INPP4A: variants seen among roughly 807,000 people sequenced by gnomAD.
INPP4A encodes the protein inositol polyphosphate-4-phosphatase, type I, 107kD.
A neutral mutation model predicts 119.8 loss-of-function variants in INPP4A; 33 were observed. That is an observed-to-expected ratio of 0.28 (90% CI 0.21 to 0.37). The LOEUF (loss-of-function observed/expected upper bound fraction) is 0.37, where lower values mean the gene tolerates loss of function less well. Among genes scored for constraint, INPP4A ranks in the 10% least tolerant of loss-of-function variants. INPP4A has a pLI of 1.00. For missense variants in INPP4A, 956 were observed against 1,289.9 expected (o/e 0.74, Z 3.97); for synonymous variants, 496 against 500.7 (o/e 0.99, Z 0.12).
intron 1 of INPP4A, among the ~76,000 whole-genome samples, chr2:98,477,432 G>A (rs911901471): frequency 5.3e-5 from 8 of 152,218 alleles, no homozygotes; most frequent in African/African-American, 1.4e-4. Context: ...TTCCTGACCC[G>A]TTTCCAGATT....
rs1340900522 is a variant in INPP4A, at chr2:98,591,760, C to CA, written c.*4153dup. The CA allele has an allele frequency of 6.6e-6, 1 of 152,280 alleles. No homozygotes were observed. The highest frequency in any genetic ancestry group is 1.5e-5 in the Non-Finnish European group (1 of 68,100). The allele number at this position is 152,280 out of a possible 1,614,324, so 9.4% of individuals were successfully genotyped here. On this transcript the variant is annotated 3_prime_UTR_variant, in exon 25 of 25. Transcript: ENST00000409851. ...TCCCGATTTGTGATTTTTCCAAGAACAGAAATGATTAGCCATGTGGGGAGG... is the reference window on the plus strand; with the variant it reads ...TCCCGATTTGTGATTTTTCCAAGAACAAGAAATGATTAGCCATGTGGGGAGG...
At chr2:98,557,414 A>G (rs887641510) in intron 16 of INPP4A, among the ~76,000 whole-genome samples, 2 of 152,216 alleles carry the variant, frequency 1.3e-5, no homozygotes, top group Non-Finnish European at 2.9e-5. Context: ...TTCAGTCCTC[A>G]GTGTAAGTAG....
chr2:98,572,880 C>T lies in INPP4A; in HGVS notation c.2584C>T (p.His862Tyr). Residue 862 changes from histidine to tyrosine, a missense_variant, in exon 23 of 25, where the codon CAT becomes TAT. Around this residue, in one of 2 missense-constraint regions of INPP4A, gnomAD observed 304 missense variants for 492.1 expected, o/e 0.62. Coordinates refer to ENST00000409851, the MANE Select transcript of INPP4A (RefSeq NM_001134225.2). Reference protein sequence around the residue: ...ELLRFLGQNVHARKNKNVDIL... With the variant: ...ELLRFLGQNVYARKNKNVDIL... ...GCTGCGGTTTCTGGGTCAGAACGTG[C>T]ATGCCCGGAAGAATAAGAACGTCGA... 3.2e-6 allele frequency: 5 copies of T among 1,580,834 alleles called. No individual in the cohort carries two copies. Among genetic ancestry groups the T allele is most frequent in the South Asian group, 1.2e-5 (1 of 85,664 alleles).
chr2:98,586,522 G>A (rs953557537), intron 24 of INPP4A, among the ~76,000 whole-genome samples: 3 of 152,146 alleles, frequency 2.0e-5, no homozygotes, highest in Non-Finnish European at 4.4e-5. Flanking sequence ...CTGTGCTGTG[G>A]GAAGTCATTT....
At chr2:98,572,100 T>G (rs1437509864) in intron 22 of INPP4A, 1 of 152,394 alleles carries the variant, frequency 6.6e-6, no homozygotes, top group African/African-American at 2.4e-5. Flanking sequence ...TGTGGCTGTT[T>G]TCCTTAGCCA....
intron 7 of INPP4A, 36 bp from the exon 8 acceptor site, chr2:98,537,827 G>A (rs1317483654): frequency 6.9e-7 from 1 of 1,459,702 alleles, no homozygotes; most frequent in South Asian, 1.2e-5. Context: ...AAGCACAGTT[G>A]CAGCACCACT....
chr2:98,470,654 C>T (rs1423211402), intron 1 of INPP4A, among the ~76,000 whole-genome samples: 1 of 151,960 alleles, frequency 6.6e-6, no homozygotes, highest in Non-Finnish European at 1.5e-5. Context: ...AGCTGGAAGA[C>T]ATTTCTTTTT....
chr2:98,448,031 A>T (rs1446614665), intron 1 of INPP4A, among the ~76,000 whole-genome samples: 1 of 132,442 alleles, frequency 7.6e-6, no homozygotes, highest in Non-Finnish European at 1.5e-5. Context: ...TGGAGGACAG[A>T]GTGAGACTCT....
intron 1 of INPP4A, among the ~76,000 whole-genome samples, chr2:98,511,774 A>G (rs1303329685): frequency 6.6e-6 from 1 of 152,302 alleles, no homozygotes; most frequent in Middle Eastern, 3.4e-3. Flanking sequence ...CATGCTTCAC[A>G]GCGGTTCACC....
chr2:98,449,199 C>A (rs1001440232), intron 1 of INPP4A, among the ~76,000 whole-genome samples: 1 of 152,190 alleles, frequency 6.6e-6, no homozygotes, highest in Non-Finnish European at 1.5e-5. Context: ...ACTGCTCATA[C>A]AATTAACTGA....
At position 98,578,980 on chromosome 2, in the gene INPP4A, G is replaced by T. The variant is rs112182507; in HGVS notation, c.2786+1837G>T. Among the ~76,000 whole-genome samples, 648 of 152,104 alleles carry T rather than the reference G, an allele frequency of 4.3e-3. 8 individuals carry two copies. Among genetic ancestry groups the T allele is most frequent in the African/African-American group, 0.015 (627 of 41,502 alleles). On this transcript the variant is annotated intron_variant, in intron 24 of 24. Transcript: ENST00000409851. ...CAAAAACACCCACATGCACAAACAA[G>T]TGTAATTATATTTGCAAATAACAGT...
intron 17 of INPP4A, among the ~76,000 whole-genome samples, chr2:98,562,567 T>G (rs138974436): frequency 9.1e-4 from 138 of 152,320 alleles, no homozygotes; most frequent in African/African-American, 3.2e-3. Flanking sequence ...TGGGCTTCAC[T>G]CCATGACTTC....
intron 4 of INPP4A, among the ~76,000 whole-genome samples, chr2:98,523,205 T>C (rs1448543408): frequency 5.3e-5 from 8 of 152,324 alleles, no homozygotes; most frequent in African/African-American, 1.7e-4. Flanking sequence ...AGAATGACAG[T>C]TGGTATAATT....
In INPP4A at chr2:98,566,002, G is replaced by T. The variant is rs1459191931; in HGVS notation, c.2280-27G>T. On this transcript the variant is annotated intron_variant, in intron 20 of 24. Transcript: ENST00000409851. The surrounding 1 kb of genome is among the most constrained non-coding windows in gnomAD (Gnocchi z 4.2). ...CTCGGTGGCCCTCTGGCCTCACACT[G>T]CTCTCCCTCTCTCCACCTTTCTCCA... 6.3e-7 allele frequency: 1 copy of T among 1,597,598 alleles called. No homozygotes were observed. The highest frequency in any genetic ancestry group is 8.5e-7 in the Non-Finnish European group (1 of 1,172,266).
At chr2:98,585,544 C>G (rs1699853484) in intron 24 of INPP4A, among the ~76,000 whole-genome samples, 1 of 152,256 alleles carries the variant, frequency 6.6e-6, no homozygotes, top group African/African-American at 2.4e-5. Flanking sequence ...GCAGCTTGGC[C>G]TCTGCAGCAG....
At chr2:98,493,842 A>T (rs1019525751) in intron 1 of INPP4A, among the ~76,000 whole-genome samples, 8 of 152,204 alleles carry the variant, frequency 5.3e-5, no homozygotes, top group Non-Finnish European at 1.0e-4. Context: ...TTGATTAAGA[A>T]TAAAGAAATT....
At position 98,543,921 on chromosome 2, in the gene INPP4A, A is replaced by T. The variant is rs1691994761; in HGVS notation, c.863A>T (p.Glu288Val). 1 of 1,611,976 alleles carries T rather than the reference A, an allele frequency of 6.2e-7. No homozygotes were observed. Among genetic ancestry groups the T allele is most frequent in the Non-Finnish European group, 8.5e-7 (1 of 1,179,038 alleles). Reference sequence around the variant, plus strand: ...CTGGGAGAGCTGTCCCCTTGCTGGGAGAGCCTCCGGCGCCAAATTGTCACC... The same window carrying T: ...CTGGGAGAGCTGTCCCCTTGCTGGGTGAGCCTCCGGCGCCAAATTGTCACC... ...EELGELSPCW[E>V]SLRRQIVTQY... Residue 288 changes from glutamate (E) to valine (V), a missense_variant, in exon 11 of 25, where the codon GAG becomes GTG. Transcript: ENST00000409851.
intron 24 of INPP4A, among the ~76,000 whole-genome samples, chr2:98,579,196 C>A (rs1698912764): frequency 6.6e-6 from 1 of 152,070 alleles, no homozygotes; most frequent in South Asian, 2.1e-4. Flanking sequence ...ATTACAGATG[C>A]CCACCACCAC....
At chr2:98,473,246 T>C (rs1459944160) in intron 1 of INPP4A, among the ~76,000 whole-genome samples, 1 of 147,958 alleles carries the variant, frequency 6.8e-6, no homozygotes, top group East Asian at 2.0e-4. Context: ...TGGAGGGCAG[T>C]GTGGGTGCAG....
Sources: allele counts gnomAD v4.1 joint callset (sites outside exome capture counted in the v4.1 genomes callset), GRCh38; gene constraint gnomAD v4.1.1; regional missense constraint gnomAD v4.1.1; non-coding constraint Gnocchi (gnomAD v3.1); transcripts MANE v1.5; gene names NCBI Gene and HGNC (gene_info 2026-07-23, HGNC 2026-07-21).